Variants in CRYBG2 observed in about 807,000 individuals in gnomAD.
CRYBG2 encodes the protein crystallin beta-gamma domain containing 2, also known as beta/gamma crystallin domain-containing protein 2.
A neutral mutation model predicts 153.4 loss-of-function variants in CRYBG2; 106 were observed. The ratio of observed to expected loss-of-function variants is 0.69; its 90% CI spans 0.59 to 0.81. The LOEUF is 0.81. CRYBG2 is among the 30% of genes least tolerant of loss of function. The pLI is 0.00. For missense variants in CRYBG2, 1,996 were observed against 2,112.0 expected (o/e 0.95, Z 1.08); for synonymous variants, 851 against 877.8 (o/e 0.97, Z 0.54).
At chr1:26,337,917 C>A in intron 8 of CRYBG2, 95 bp downstream of exon 8, 2 of 1,494,908 alleles carry the variant, frequency 1.3e-6, no homozygotes, top group Non-Finnish European at 1.8e-6. Flanking sequence ...GCCCCCAGTG[C>A]CCTCCTCTCT....
Position 26,345,526 on chromosome 1 carries a change from G to A in CRYBG2, c.1132C>T (p.His378Tyr), listed in dbSNP as rs1272575344. The A allele has an allele frequency of 1.9e-6, 3 of 1,599,666 alleles. No homozygotes were observed. The change falls in exon 2 of 20, where the codon CAC (histidine) becomes TAC (tyrosine). Residue 378 changes from histidine (H) to tyrosine (Y), a missense_variant. Physicochemically the swap from His to Tyr is moderately conservative, Grantham distance 83 (BLOSUM62 2). Coordinates refer to ENST00000308182, the MANE Select transcript of CRYBG2 (RefSeq NM_001039775.4). ...HPAKQPVVPT[H>Y]PGARLTPLVL... is the part of the protein sequence containing the mutation. ...AGGGGAGTGAGCCGGGCCCCGGGGT[G>A]AGTGGGCACCACAGGCTGCTTTGCA...
At position 26,343,426 on chromosome 1, in the gene CRYBG2, C is replaced by T; in HGVS notation, c.2914-133G>A. On this transcript the variant is annotated intron_variant, in intron 2 of 19. Transcript: ENST00000308182. This position sits in a 1 kb window ranked among gnomAD's most constrained non-coding sequence, Gnocchi z 4.1. ...GCAAGGAGCTGGCGCATAGAGGATGCTCACACTTGTTCCCAACCCCCAAGG... is the reference window on the plus strand; with the variant it reads ...GCAAGGAGCTGGCGCATAGAGGATGTTCACACTTGTTCCCAACCCCCAAGG... The T allele has an allele frequency of 8.8e-6, 10 of 1,136,148 alleles. No individual in the cohort carries two copies. Among genetic ancestry groups the T allele is most frequent in the African/African-American group, 1.5e-5 (1 of 65,170 alleles). The allele number at this position is 1,136,148 out of a possible 1,614,324, so 70.4% of individuals were successfully genotyped here.
chr1:26,332,202 G>T (rs1236878137), intron 14 of CRYBG2, among the ~76,000 whole-genome samples: 2 of 151,386 alleles, frequency 1.3e-5, no homozygotes, highest in Non-Finnish European at 1.5e-5. Context: ...AGCTACTCAG[G>T]AGGCTGAGGC....
chr1:26,336,081 C>T lies in CRYBG2; in HGVS notation c.4184+14G>A, dbSNP rs1158567129. The T allele has an allele frequency of 6.9e-7, 1 of 1,449,682 alleles. No individual in the cohort carries two copies. The highest frequency in any genetic ancestry group is 9.1e-7 in the Non-Finnish European group (1 of 1,093,964). 89.8% of individuals were successfully genotyped at this position (1,449,682 alleles called of 1,614,324 possible). A position where few individuals can be genotyped will look rare whatever the true frequency, so the allele number is the denominator to read the frequency against. ...CCCCAGCGCCCCCAGCCCTCCGCCC[C>T]TCCACGTTCTCACCTGCCGCCGTGG... is the stretch of plus-strand genomic sequence containing the variant. On this transcript the variant is annotated intron_variant, in intron 14 of 19. Coordinates refer to ENST00000308182, the MANE Select transcript of CRYBG2 (RefSeq NM_001039775.4). This position sits in a 1 kb window ranked among gnomAD's most constrained non-coding sequence, Gnocchi z 4.9.
intron 1 of CRYBG2, among the ~76,000 whole-genome samples, chr1:26,349,931 C>T (rs2074269414): frequency 6.6e-6 from 1 of 151,358 alleles, no homozygotes; most frequent in East Asian, 1.9e-4. Context: ...CCTCCCACCT[C>T]AGCCCACCGA....
chr1:26,335,727 T>C (rs2074045788), intron 14 of CRYBG2, among the ~76,000 whole-genome samples: 1 of 152,172 alleles, frequency 6.6e-6, no homozygotes, highest in African/African-American at 2.4e-5. Flanking sequence ...TATTGGGTAA[T>C]ATGAATAAAT....
chr1:26,336,325 GTCC>G lies in CRYBG2; in HGVS notation c.4071+10_4071+12del. On this transcript the variant is annotated intron_variant, in intron 13 of 19. Coordinates refer to ENST00000308182, the MANE Select transcript of CRYBG2 (RefSeq NM_001039775.4). This position sits in a 1 kb window ranked among gnomAD's most constrained non-coding sequence, Gnocchi z 4.9. ...CGTGAGCCCAGCGGCTCCCTGCGGA[GTCC>G]CTGCCTTACCTTTGAGACGAAGTGC... 1.2e-6 allele frequency: 2 copies of G among 1,613,378 alleles called. No individual in the cohort carries two copies. The highest frequency in any genetic ancestry group is 1.7e-6 in the Non-Finnish European group (2 of 1,179,654).
Position 26,344,010 on chromosome 1 carries a change from G to C in CRYBG2, c.2648C>G (p.Thr883Ser). ...LEMMKKHVAG[T>S]KGPHSELGLE... ...TCCCAGCTCTGAGTGGGGGCCCTTG[G>C]TTCCTGCTACATGCTTCTTCATCAT... The change falls in exon 2 of 20, where the codon ACC (threonine) becomes AGC (serine). Residue 883 changes from threonine to serine, a missense_variant. Transcript: ENST00000308182. 1 of 1,536,216 alleles carries C rather than the reference G, an allele frequency of 6.5e-7. No individual in the cohort carries two copies.
intron 14 of CRYBG2, 61 bp from the exon 15 acceptor site, chr1:26,331,679 C>A (rs2073999044): frequency 6.3e-7 from 1 of 1,590,516 alleles, no homozygotes; most frequent in African/African-American, 1.3e-5. Flanking sequence ...TGCCCAGGTT[C>A]CCCTGAGATA....
In CRYBG2 at chr1:26,325,608, G is replaced by GAC. The variant is rs751488521; in HGVS notation, c.4579-1299_4579-1298insGT. On this transcript the variant is annotated intron_variant, in intron 17 of 19. Coordinates refer to ENST00000308182, the MANE Select transcript of CRYBG2 (RefSeq NM_001039775.4). The surrounding 1 kb of genome is among the most constrained non-coding windows in gnomAD (Gnocchi z 4.1). ...TTAAAAAAATGAATGCACTCCCACAGATACACACACACACACACACACACA... is the reference window on the plus strand; with the variant it reads ...TTAAAAAAATGAATGCACTCCCACAGACATACACACACACACACACACACACA... 1.3e-5 allele frequency among the ~76,000 whole-genome samples: 1 copy of GAC among 78,258 alleles called. No homozygotes were observed. Among genetic ancestry groups the GAC allele is most frequent in the Non-Finnish European group, 3.1e-5 (1 of 31,892 alleles). The allele number at this position is 78,258 out of a possible 152,430, so 51.3% of individuals were successfully genotyped here.
At chr1:26,329,255 C>T (rs2073970543) in intron 15 of CRYBG2, among the ~76,000 whole-genome samples, 1 of 144,870 alleles carries the variant, frequency 6.9e-6, no homozygotes, top group African/African-American at 2.6e-5. Context: ...TGGCTCACTG[C>T]AACCTCTGCC....
Position 26,346,775 on chromosome 1 carries a change from ATAACCACCCC to A in CRYBG2, c.-55-73_-55-64del. 1 of 1,132,940 alleles carries A rather than the reference ATAACCACCCC, an allele frequency of 8.8e-7. No homozygotes were observed. The highest frequency in any genetic ancestry group is 1.2e-6 in the Non-Finnish European group (1 of 818,536). 70.2% of individuals were successfully genotyped at this position (1,132,940 alleles called of 1,614,324 possible). A position where few individuals can be genotyped will look rare whatever the true frequency, so the allele number is the denominator to read the frequency against. On this transcript the variant is annotated intron_variant, in intron 1 of 19. Transcript: ENST00000308182. This position sits in a 1 kb window ranked among gnomAD's most constrained non-coding sequence, Gnocchi z 4.9. ...TGAGAGTGGCTTCCTAAAGTGCAGA[ATAACCACCCC>A]TACCCAAGTCAGGCTGGGAACCTCA... is the stretch of plus-strand genomic sequence containing the variant.
At chr1:26,332,108 C>T (rs2074003427) in intron 14 of CRYBG2, among the ~76,000 whole-genome samples, 1 of 149,824 alleles carries the variant, frequency 6.7e-6, no homozygotes, top group South Asian at 2.1e-4. Context: ...GAGATCGAGA[C>T]CATCCTGGCT....
intron 14 of CRYBG2, among the ~76,000 whole-genome samples, chr1:26,333,045 A>AAAAAAAAAAAAAAATAT (rs2074016334): frequency 7.2e-6 from 1 of 138,736 alleles, no homozygotes; most frequent in African/African-American, 2.8e-5. Context: ...AAAAAAAAAA[A>AAAAAAAAAAAAAAATAT]AGATTTCTAA....
rs770614972 is a variant in CRYBG2, at chr1:26,339,327, G to T, written c.3307C>A (p.Pro1103Thr). Residue 1103 changes from proline (P) to threonine (T), a missense_variant, in exon 6 of 20, where the codon CCC (proline) becomes ACC (threonine). Physicochemically the swap from Pro to Thr is conservative, Grantham distance 38 (BLOSUM62 -1). Coordinates refer to ENST00000308182, the MANE Select transcript of CRYBG2 (RefSeq NM_001039775.4). The part of the protein sequence containing the change: ...ALKNSQGLEK[P>T]LQVASATVSA... ...ACGGTGGCAGATGCCACCTGCAGGGGCTTCTCCAGACCCTGGGAATTCTTC... is the reference window on the plus strand; with the variant it reads ...ACGGTGGCAGATGCCACCTGCAGGGTCTTCTCCAGACCCTGGGAATTCTTC... The T allele has an allele frequency of 1.2e-6, 2 of 1,614,196 alleles. No individual in the cohort carries two copies. Among genetic ancestry groups the T allele is most frequent in the Non-Finnish European group, 1.7e-6 (2 of 1,180,024 alleles).
In CRYBG2 at chr1:26,328,826, C is replaced by T; in HGVS notation, c.4362G>A (p.Glu1454=). The change falls in exon 16 of 20, where the codon GAG becomes GAA. Residue 1454 remains glutamate (E), a synonymous_variant. Coordinates refer to ENST00000308182, the MANE Select transcript of CRYBG2 (RefSeq NM_001039775.4). ...CCCTGCTGAGCTCGATCTCCTTCCC[C>T]TCGAAGCACTCGAGTCCATACAGGA... ...SIFLYGLECF[E]GKEIELSREV... The T allele has an allele frequency of 6.2e-7, 1 of 1,614,146 alleles. No individual in the cohort carries two copies. Among genetic ancestry groups the T allele is most frequent in the Middle Eastern group, 1.6e-4 (1 of 6,062 alleles).
chr1:26,349,960 C>T (rs1008799509), intron 1 of CRYBG2, among the ~76,000 whole-genome samples: 3 of 151,784 alleles, frequency 2.0e-5, no homozygotes, highest in African/African-American at 7.3e-5. Flanking sequence ...GACTACAAGC[C>T]TGCACCGCTA....
At position 26,346,538 on chromosome 1, in the gene CRYBG2, G is replaced by A. The variant is rs1262370240; in HGVS notation, c.120C>T (p.Ser40=). 2 of 1,612,928 alleles carry A rather than the reference G, an allele frequency of 1.2e-6. No individual in the cohort carries two copies. The highest frequency in any genetic ancestry group is 2.2e-5 in the South Asian group (2 of 90,836). The part of the protein sequence containing the change: ...EEIKHGFHKV[S]LVSGAQMEAP... ...CTTCCATCTGGGCCCCTGACACCAG[G>A]GACACCTTGTGAAAACCATGTTTGA... is the stretch of plus-strand genomic sequence containing the variant. The change falls in exon 2 of 20, where the codon TCC becomes TCT. Residue 40 remains serine (S), a synonymous_variant. Coordinates refer to ENST00000308182, the MANE Select transcript of CRYBG2 (RefSeq NM_001039775.4). This position sits in a 1 kb window ranked among gnomAD's most constrained non-coding sequence, Gnocchi z 4.9.
chr1:26,332,278 G>C (rs1204818116), intron 14 of CRYBG2, among the ~76,000 whole-genome samples: 1 of 141,058 alleles, frequency 7.1e-6, no homozygotes, highest in Non-Finnish European at 1.5e-5. Context: ...CTACACTCCA[G>C]CCTGGGCAAC....
Sources: gnomAD v4.1 joint callset for allele counts (sites outside exome capture counted in the v4.1 genomes callset) on GRCh38, gnomAD v4.1.1 for gene constraint, Gnocchi (gnomAD v3.1) non-coding constraint, MANE v1.5 for transcripts, NCBI Gene and HGNC (gene_info 2026-07-23, HGNC 2026-07-21) for gene names.